The following ATE1 variants were observed in gnomAD, a reference collection of about 807,000 sequenced individuals.
ATE1 encodes arginyltransferase 1.
Under a neutral mutation model 70.5 loss-of-function variants are expected in ATE1, and 36 were observed. The ratio of observed to expected loss-of-function variants is 0.51; its 90% CI spans 0.39 to 0.67. The LOEUF (loss-of-function observed/expected upper bound fraction) is 0.67. Among genes scored for constraint, ATE1 ranks in the 30% least tolerant of loss-of-function variants. The pLI is 0.00. For synonymous variants in ATE1, 232 were observed against 219.3 expected, an observed-to-expected ratio of 1.06 and a Z score of -0.51; for missense variants, 593 against 629.5, an observed-to-expected ratio of 0.94 and a Z score of 0.62.
Position 121,817,937 on chromosome 10 carries a change from T to C in ATE1, c.1257+18781A>G, listed in dbSNP as rs527374418. On this transcript the variant is annotated intron_variant, in intron 10 of 11. Coordinates refer to ENST00000224652, the MANE Select transcript of ATE1 (RefSeq NM_001001976.3). The stretch of plus-strand genomic sequence containing the variant: ...CATAAAACCCTAGATCTTTAAATTT[T>C]ACAACTAAAATTTGAATTTCCCTTT... 5.0e-4 allele frequency among the ~76,000 whole-genome samples: 76 copies of C among 152,280 alleles called. 1 individual carries two copies. Among genetic ancestry groups the C allele is most frequent in the African/African-American group, 1.7e-3 (70 of 41,552 alleles).
chr10:121,874,919 T>C (rs977222682), intron 7 of ATE1, among the ~76,000 whole-genome samples: 4 of 150,508 alleles, frequency 2.7e-5, no homozygotes, highest in Admixed American at 2.0e-4. Flanking sequence ...GGCGGGTGGA[T>C]CACGAGGTCA....
chr10:121,754,660 C>T (rs75659821), intron 11 of ATE1, among the ~76,000 whole-genome samples: 2 of 152,238 alleles, frequency 1.3e-5, no homozygotes, highest in African/African-American at 2.4e-5. Flanking sequence ...AGGCAAGAAT[C>T]GTCAATGGAT....
chr10:121,802,921 A>C (rs1367398554), intron 10 of ATE1, among the ~76,000 whole-genome samples: 1 of 152,222 alleles, frequency 6.6e-6, no homozygotes, highest in African/African-American at 2.4e-5. Flanking sequence ...TCATACAGAA[A>C]TGTTATTACA....
At chr10:121,759,704 A>G (rs1469965185) in intron 11 of ATE1, among the ~76,000 whole-genome samples, 1 of 150,112 alleles carries the variant, frequency 6.7e-6, no homozygotes, top group African/African-American at 2.5e-5. Flanking sequence ...AGCCTGGGCA[A>G]CAGAGTGGGA....
At chr10:121,804,297 A>ATAC (rs1199001318) in intron 10 of ATE1, among the ~76,000 whole-genome samples, 5 of 152,190 alleles carry the variant, frequency 3.3e-5, no homozygotes, top group Non-Finnish European at 7.3e-5. Flanking sequence ...TTCAATGACT[A>ATAC]TACCATTAAA....
Position 121,911,020 on chromosome 10 carries a change from T to C in ATE1, c.469A>G (p.Asn157Asp). 5.0e-6 allele frequency: 8 copies of C among 1,614,080 alleles called. No homozygotes were observed. The highest frequency in any genetic ancestry group is 6.8e-6 in the Non-Finnish European group (8 of 1,180,026). ...IKESLESEGK[N>D]SKKEEPQELL... is the part of the protein sequence containing the mutation. ...TCCTGAGGTTCTTCTTTCTTTGAAT[T>C]TTTTCCTTCACTCTCTAAACTCTCT... The change falls in exon 5 of 12, where the codon AAT (asparagine) becomes GAT (aspartate). Residue 157 changes from asparagine (N) to aspartate (D), a missense_variant. Asn to Asp is a conservative substitution (Grantham distance 23, BLOSUM62 1). Around this residue, in one of 3 missense-constraint regions of ATE1, gnomAD observed 467 missense variants for 469.6 expected, o/e 0.99. Transcript: ENST00000224652.
intron 10 of ATE1, among the ~76,000 whole-genome samples, chr10:121,834,324 A>G (rs1948356072): frequency 6.6e-6 from 1 of 152,176 alleles, no homozygotes; most frequent in African/African-American, 2.4e-5. Context: ...TCTTGCCTGT[A>G]TTGTTCATGG....
At chr10:121,851,479 T>C (rs1590495751) in intron 8 of ATE1, among the ~76,000 whole-genome samples, 1 of 152,358 alleles carries the variant, frequency 6.6e-6, no homozygotes, top group East Asian at 1.9e-4. Flanking sequence ...ACAAGAATCA[T>C]ACTACCGGTC....
intron 7 of ATE1, among the ~76,000 whole-genome samples, chr10:121,894,409 T>C (rs901621805): frequency 1.3e-5 from 2 of 152,162 alleles, no homozygotes; most frequent in African/African-American, 4.8e-5. Flanking sequence ...AGGAAAAAGA[T>C]GTGTCATGCA....
intron 7 of ATE1, among the ~76,000 whole-genome samples, chr10:121,883,445 A>T (rs1950286080): frequency 1.3e-5 from 2 of 152,196 alleles, no homozygotes; most frequent in African/African-American, 4.8e-5. Context: ...CTAACACAAG[A>T]ATTGTCAGCA....
intron 8 of ATE1, among the ~76,000 whole-genome samples, chr10:121,865,620 G>A (rs1432575746): frequency 6.6e-6 from 1 of 152,194 alleles, no homozygotes; most frequent in Non-Finnish European, 1.5e-5. Flanking sequence ...GCCTAGCAGG[G>A]GAGTACATAT....
At chr10:121,881,754 A>G (rs534982801) in intron 7 of ATE1, among the ~76,000 whole-genome samples, 1 of 151,670 alleles carries the variant, frequency 6.6e-6, no homozygotes, top group African/African-American at 2.4e-5. Context: ...GTGGTATAAT[A>G]GATGAATCAA....
At chr10:121,758,521 T>C (rs1447819926) in intron 11 of ATE1, among the ~76,000 whole-genome samples, 1 of 152,348 alleles carries the variant, frequency 6.6e-6, no homozygotes, top group Non-Finnish European at 1.5e-5. Context: ...TAGGGGCAAA[T>C]ACAAATTCAC....
chr10:121,841,150 T>C lies in ATE1; in HGVS notation c.1089A>G (p.Val363=), dbSNP rs752622909. The change falls in exon 9 of 12, where the codon GTA becomes GTG. Residue 363 remains valine, a synonymous_variant. Coordinates refer to ENST00000224652, the MANE Select transcript of ATE1 (RefSeq NM_001001976.3). ...VGVIDILPNC[V]SSVYLYYDPD... is the part of the protein sequence containing the mutation. Reference sequence around the variant, plus strand: ...GATCGTAGTACAAATACACAGATGATACACAGTTTGGGAGGATGTCAATCA... The same window carrying C: ...GATCGTAGTACAAATACACAGATGACACACAGTTTGGGAGGATGTCAATCA... 3.1e-6 allele frequency: 5 copies of C among 1,598,602 alleles called. No individual in the cohort carries two copies. The highest frequency in any genetic ancestry group is 3.4e-5 in the Admixed American group (2 of 59,576).
At chr10:121,836,918 T>G (rs1948454813) in intron 9 of ATE1, 101 bp from the exon 10 acceptor site, 2 of 726,572 alleles carry the variant, frequency 2.8e-6, no homozygotes, top group African/African-American at 3.7e-5. Flanking sequence ...AATCTGGTAT[T>G]AAGCTATCAA....
At chr10:121,885,017 T>C (rs1005231771) in intron 7 of ATE1, among the ~76,000 whole-genome samples, 1 of 152,098 alleles carries the variant, frequency 6.6e-6, no homozygotes, top group Non-Finnish European at 1.5e-5. Context: ...TCCCAGCACT[T>C]TGGGAGGCCA....
intron 6 of ATE1, among the ~76,000 whole-genome samples, chr10:121,901,773 T>C (rs1411504397): frequency 6.6e-6 from 1 of 152,150 alleles, no homozygotes; most frequent in African/African-American, 2.4e-5. Context: ...TTGAATTTTA[T>C]ATATGAGAAA....
intron 2 of ATE1, among the ~76,000 whole-genome samples, chr10:121,924,039 T>C (rs1326531563): frequency 6.6e-6 from 1 of 152,236 alleles, no homozygotes; most frequent in Admixed American, 6.5e-5. Context: ...TGCTGAAGCT[T>C]AGTGATAGGT....
intron 11 of ATE1, among the ~76,000 whole-genome samples, chr10:121,752,150 T>G (rs185149825): frequency 0.011 from 1,527 of 140,274 alleles, 11 homozygotes; most frequent in African/African-American, 0.029. Flanking sequence ...TGAGCCGAGG[T>G]TGCGCCACTG....
Sources: gnomAD v4.1 joint callset for allele counts (sites outside exome capture counted in the v4.1 genomes callset) on GRCh38, gnomAD v4.1.1 for gene constraint, gnomAD v4.1.1 regional missense constraint, MANE v1.5 for transcripts, NCBI Gene and HGNC (gene_info 2026-07-23, HGNC 2026-07-21) for gene names.